Variants in PPP1CC observed in about 807,000 individuals in gnomAD.
The protein encoded by PPP1CC is protein phosphatase 1 catalytic subunit gamma, also known as serine/threonine-protein phosphatase PP1-gamma catalytic subunit.
PPP1CC carries 16 observed loss-of-function variants against 38.4 expected under a neutral mutation model. The ratio of observed to expected loss-of-function variants is 0.42; its 90% CI spans 0.28 to 0.63. PPP1CC has a LOEUF of 0.63. Among genes scored for constraint, PPP1CC ranks in the 30% least tolerant of loss-of-function variants. The pLI, the probability that PPP1CC is intolerant of heterozygous loss-of-function variation, is 0.25. For missense variants in PPP1CC, 170 were observed against 391.3 expected (o/e 0.43, Z 4.77); for synonymous variants, 158 against 136.0 (o/e 1.16, Z -1.13).
chr12:110,713,419 C>A, the PPP1CC span, among the ~76,000 whole-genome samples: 1 of 152,132 alleles, frequency 6.6e-6, no homozygotes, highest in Non-Finnish European at 1.5e-5. Flanking sequence ...AGGCGTGAGC[C>A]ACCGTGCCTG....
chr12:110,734,533 G>T lies in PPP1CC; in HGVS notation c.56-2632C>A, dbSNP rs139594343. Among the ~76,000 whole-genome samples, 224 of 152,124 alleles carry T rather than the reference G, an allele frequency of 1.5e-3. 1 individual carries two copies. Among genetic ancestry groups the T allele is most frequent in the African/African-American group, 5.1e-3 (210 of 41,486 alleles). ...TAATTTTATACTTTTAGTACAGATGGGGTTTCTCCATATTGGTCAGGCTGG... is the reference window on the plus strand; with the variant it reads ...TAATTTTATACTTTTAGTACAGATGTGGTTTCTCCATATTGGTCAGGCTGG... On this transcript the variant is annotated intron_variant, in intron 1 of 6. Transcript: ENST00000335007.
intron 1 of PPP1CC, among the ~76,000 whole-genome samples, chr12:110,733,746 C>T (rs534718732): frequency 1.3e-5 from 2 of 151,986 alleles, no homozygotes; most frequent in African/African-American, 2.4e-5. Flanking sequence ...CCCCAAGTGC[C>T]GGGATTACAG....
chr12:110,720,098 A>C lies in PPP1CC; in HGVS notation c.*978T>G. On this transcript the variant is annotated 3_prime_UTR_variant, in exon 7 of 7. Transcript: ENST00000335007. ...AACTTATAAGCCTCAACTTCACCGC[A>C]GAATAAAGAATGTAGGCCAAAGAAA... is the stretch of plus-strand genomic sequence containing the variant. 1 of 1,517,846 alleles carries C rather than the reference A, an allele frequency of 6.6e-7. No homozygotes were observed. Among genetic ancestry groups the C allele is most frequent in the Middle Eastern group, 1.7e-4 (1 of 5,942 alleles). The allele number at this position is 1,517,846 out of a possible 1,614,324, so 94.0% of individuals were successfully genotyped here.
At chr12:110,727,672 T>C (rs2069815920) in intron 3 of PPP1CC, among the ~76,000 whole-genome samples, 1 of 151,458 alleles carries the variant, frequency 6.6e-6, no homozygotes, top group South Asian at 2.1e-4. Flanking sequence ...AAACAGGCAG[T>C]GGTTTTTAAA....
the PPP1CC span, among the ~76,000 whole-genome samples, chr12:110,710,717 CAAAAA>C: frequency 1.1e-4 from 3 of 27,896 alleles, no homozygotes; most frequent in African/African-American, 4.2e-4. Context: ...GACTCTGTCT[CAAAAA>C]AAAAAAAAAA....
At chr12:110,741,942 A>C (rs781031045) in intron 1 of PPP1CC, among the ~76,000 whole-genome samples, 7 of 152,374 alleles carry the variant, frequency 4.6e-5, no homozygotes, top group Non-Finnish European at 7.3e-5. Context: ...AAAGTGCTTA[A>C]GACAGAGCCT....
At chr12:110,709,322 C>G in the PPP1CC span, among the ~76,000 whole-genome samples, 1 of 151,962 alleles carries the variant, frequency 6.6e-6, no homozygotes, top group East Asian at 1.9e-4. Context: ...CTCCACCTCC[C>G]GGGTTCAAGC....
chr12:110,711,407 A>G, the PPP1CC span, among the ~76,000 whole-genome samples: 2 of 151,904 alleles, frequency 1.3e-5, no homozygotes, highest in Non-Finnish European at 2.9e-5. Flanking sequence ...AATTGGCAAA[A>G]TTTAACAGTA....
downstream of PPP1CC, among the ~76,000 whole-genome samples, chr12:110,718,536 A>C (rs1394445503): frequency 3.9e-5 from 6 of 152,052 alleles, no homozygotes. Context: ...TATCAGGTGC[A>C]AAGCAAAGCA....
At chr12:110,735,908 T>C (rs902166074) in intron 1 of PPP1CC, among the ~76,000 whole-genome samples, 18 of 151,850 alleles carry the variant, frequency 1.2e-4, no homozygotes, top group African/African-American at 4.4e-4. Flanking sequence ...CTACTAAAAA[T>C]ACAAAAATTA....
chr12:110,714,712 A>G (rs58814974), downstream of PPP1CC, among the ~76,000 whole-genome samples: 24,311 of 146,394 alleles, frequency 0.17, 2,924 homozygotes, highest in African/African-American at 0.35. Context: ...AGGCTGAGGC[A>G]GGAGAATCAC....
intron 1 of PPP1CC, among the ~76,000 whole-genome samples, chr12:110,740,977 C>A (rs1339290194): frequency 6.6e-6 from 1 of 152,128 alleles, no homozygotes; most frequent in East Asian, 1.9e-4. Context: ...CAAAAAGTTC[C>A]TTTCTTACAG....
Position 110,720,952 on chromosome 12 carries a change from G to C in PPP1CC, c.*124C>G. 2.8e-6 allele frequency: 2 copies of C among 710,482 alleles called. No individual in the cohort carries two copies. The highest frequency in any genetic ancestry group is 4.5e-6 in the Non-Finnish European group (2 of 440,662). 44.0% of individuals were successfully genotyped at this position (710,482 alleles called of 1,614,324 possible). A position where few individuals can be genotyped will look rare whatever the true frequency, so the allele number is the denominator to read the frequency against. Reference sequence around the variant, plus strand: ...AATGCCATTCACTAAATCAAAAATGGAAGGAAGGGCCCCCACAAACACAGA... The same window carrying C: ...AATGCCATTCACTAAATCAAAAATGCAAGGAAGGGCCCCCACAAACACAGA... On this transcript the variant is annotated 3_prime_UTR_variant, in exon 7 of 7. Transcript: ENST00000335007.
At chr12:110,716,935 T>C (rs1259995915), downstream of PPP1CC, among the ~76,000 whole-genome samples, 2 of 152,242 alleles carry the variant, frequency 1.3e-5, no homozygotes, top group African/African-American at 2.4e-5. Context: ...ATTTGAGTCG[T>C]AGGCTGAAGG....
Position 110,720,228 on chromosome 12 carries a change from T to C in PPP1CC, c.*848A>G, listed in dbSNP as rs1338560256. ...AACTGTAAAAAGATTACTTAATGAATAGACTATATGGAAATTGTATAAAAT... is the reference window on the plus strand; with the variant it reads ...AACTGTAAAAAGATTACTTAATGAACAGACTATATGGAAATTGTATAAAAT... On this transcript the variant is annotated 3_prime_UTR_variant, in exon 7 of 7. Coordinates refer to ENST00000335007, the MANE Select transcript of PPP1CC (RefSeq NM_002710.4). The C allele has an allele frequency of 1.1e-5, 17 of 1,515,746 alleles. No homozygotes were observed. The highest frequency in any genetic ancestry group is 2.4e-5 in the East Asian group (1 of 41,544). The allele number at this position is 1,515,746 out of a possible 1,614,324, so 93.9% of individuals were successfully genotyped here.
intron 3 of PPP1CC, among the ~76,000 whole-genome samples, chr12:110,729,795 G>A (rs920631105): frequency 2.0e-5 from 3 of 152,124 alleles, no homozygotes; most frequent in African/African-American, 2.4e-5. Flanking sequence ...GGTGATGGTC[G>A]CATAACTCTA....
chr12:110,713,088 G>T, the PPP1CC span, among the ~76,000 whole-genome samples: 1 of 151,890 alleles, frequency 6.6e-6, no homozygotes, highest in African/African-American at 2.4e-5. Flanking sequence ...AAAGAAAAAA[G>T]AAATGAAAAC....
At chr12:110,721,287 G>T in intron 6 of PPP1CC, 122 bp from the exon 7 acceptor site, 1 of 704,424 alleles carries the variant, frequency 1.4e-6, no homozygotes, top group Non-Finnish European at 2.4e-6. Context: ...AACTGTAAAA[G>T]CCCCCCTAGC....
At chr12:110,709,976 A>AT in the PPP1CC span, among the ~76,000 whole-genome samples, 7 of 147,742 alleles carry the variant, frequency 4.7e-5, no homozygotes, top group African/African-American at 1.7e-4. Context: ...AATAATAATA[A>AT]AGGAAAACAA....
Sources: allele counts gnomAD v4.1 joint callset (sites outside exome capture counted in the v4.1 genomes callset), GRCh38; gene constraint gnomAD v4.1.1; transcripts MANE v1.5; gene names NCBI Gene and HGNC (gene_info 2026-07-23, HGNC 2026-07-21).